Variants in TCF7L1 observed in about 807,000 individuals in gnomAD.
TCF7L1 encodes the protein transcription factor 7 like 1, also known as transcription factor 7-like 1.
A neutral mutation model predicts 63.7 loss-of-function variants in TCF7L1; 18 were observed. The ratio of observed to expected loss-of-function variants is 0.28; its 90% CI spans 0.20 to 0.42. The LOEUF is 0.42. Ranked by LOEUF, TCF7L1 falls within the 10% of genes least tolerant of loss-of-function variation. The pLI, the probability that TCF7L1 is intolerant of heterozygous loss-of-function variation, is 1.00. For synonymous variants in TCF7L1, 355 were observed against 340.9 expected (o/e 1.04, Z -0.46); for missense variants, 654 against 779.3 (o/e 0.84, Z 1.91).
At chr2:85,248,920 G>C (rs1411214033) in intron 3 of TCF7L1, among the ~76,000 whole-genome samples, 2 of 151,876 alleles carry the variant, frequency 1.3e-5, no homozygotes, top group Non-Finnish European at 2.9e-5. Flanking sequence ...CCAGCAACCC[G>C]TGCCTCCTCC....
At chr2:85,232,559 G>T (rs723465) in intron 3 of TCF7L1, among the ~76,000 whole-genome samples, 34,991 of 152,014 alleles carry the variant, frequency 0.23, 4,997 homozygotes, top group Non-Finnish European at 0.33. Flanking sequence ...TTTGCATGAT[G>T]ATCTTAAGTT....
At chr2:85,202,539 AAT>A (rs1291104458) in intron 3 of TCF7L1, among the ~76,000 whole-genome samples, 1 of 152,194 alleles carries the variant, frequency 6.6e-6, no homozygotes, top group Non-Finnish European at 1.5e-5. Flanking sequence ...GGTCATAAAA[AAT>A]ATGTCTTTAA....
intron 3 of TCF7L1, among the ~76,000 whole-genome samples, chr2:85,236,284 C>T (rs1680190638): frequency 6.6e-6 from 1 of 152,198 alleles, no homozygotes; most frequent in Admixed American, 6.5e-5. Flanking sequence ...CTATGGCACT[C>T]TGTCCATACA....
chr2:85,258,899 T>G (rs916772997), intron 3 of TCF7L1, among the ~76,000 whole-genome samples: 2 of 152,214 alleles, frequency 1.3e-5, no homozygotes, highest in Non-Finnish European at 2.9e-5. Flanking sequence ...AACCCTTGCT[T>G]ATTTATTAAC....
intron 3 of TCF7L1, among the ~76,000 whole-genome samples, chr2:85,214,683 A>G (rs1168151276): frequency 6.6e-6 from 1 of 152,196 alleles, no homozygotes; most frequent in Non-Finnish European, 1.5e-5. Flanking sequence ...ACACAAGTTT[A>G]TACAGATGTA....
intron 3 of TCF7L1, among the ~76,000 whole-genome samples, chr2:85,163,133 T>C (rs932575297): frequency 6.6e-6 from 1 of 152,170 alleles, no homozygotes; most frequent in Non-Finnish European, 1.5e-5. Flanking sequence ...GGGAGCTTTT[T>C]AGAAATGGTC....
chr2:85,241,437 G>GTTTTTTTT (rs772334481), intron 3 of TCF7L1, among the ~76,000 whole-genome samples: 80 of 83,068 alleles, frequency 9.6e-4, no homozygotes, highest in East Asian at 1.4e-3. Context: ...CTTTGTTTTT[G>GTTTTTTTT]TTTTTTTTTT....
At chr2:85,304,138 C>T (rs1479222986) in intron 6 of TCF7L1, 117 bp from the exon 7 acceptor site, 2 of 1,267,478 alleles carry the variant, frequency 1.6e-6, no homozygotes, top group Non-Finnish European at 2.3e-6. Flanking sequence ...AGGCAGCGTG[C>T]TCCCAGCATT....
chr2:85,297,683 G>A (rs1034369830), intron 4 of TCF7L1, among the ~76,000 whole-genome samples: 12 of 152,044 alleles, frequency 7.9e-5, no homozygotes, highest in Middle Eastern at 3.4e-3. Flanking sequence ...AAGTTAGCCC[G>A]GCATGGTGGG....
chr2:85,176,255 C>G (rs1283887418), intron 3 of TCF7L1, among the ~76,000 whole-genome samples: 1 of 152,214 alleles, frequency 6.6e-6, no homozygotes, highest in African/African-American at 2.4e-5. Context: ...TTTGAGGCTT[C>G]AGTCCTCCGC....
chr2:85,211,922 T>G (rs1209697501), intron 3 of TCF7L1, among the ~76,000 whole-genome samples: 2 of 151,896 alleles, frequency 1.3e-5, no homozygotes, highest in African/African-American at 4.8e-5. Flanking sequence ...AAACCCCATC[T>G]CTAGTAAAAA....
intron 4 of TCF7L1, among the ~76,000 whole-genome samples, chr2:85,292,775 G>A (rs1235513034): frequency 6.6e-6 from 1 of 152,016 alleles, no homozygotes; most frequent in Non-Finnish European, 1.5e-5. Flanking sequence ...ACGGGGTTTC[G>A]GCATGTTTGC....
rs188330060 is a variant in TCF7L1, at chr2:85,248,643, C to T, written c.442-34852C>T. On this transcript the variant is annotated intron_variant, in intron 3 of 11. Coordinates refer to ENST00000282111, the MANE Select transcript of TCF7L1 (RefSeq NM_031283.3). ...TTGGGAGGGAGGAAGAAGAGTATCT[C>T]AGCCAACCACCAACTCCCACCCCCT... 2.0e-5 allele frequency among the ~76,000 whole-genome samples: 3 copies of T among 152,266 alleles called. No individual in the cohort carries two copies. In the East Asian group the frequency reaches 5.8e-4, roughly 29 times the overall value.
intron 3 of TCF7L1, among the ~76,000 whole-genome samples, chr2:85,140,943 G>C (rs1677722759): frequency 1.3e-5 from 2 of 151,998 alleles, no homozygotes; most frequent in Admixed American, 1.3e-4. Flanking sequence ...GAGTGTCCTT[G>C]GTGTTAGATG....
At chr2:85,221,833 A>G (rs1679846350) in intron 3 of TCF7L1, among the ~76,000 whole-genome samples, 2 of 152,164 alleles carry the variant, frequency 1.3e-5, no homozygotes, top group South Asian at 4.1e-4. Context: ...CCTGAATTTG[A>G]TCAAGCCTCT....
chr2:85,309,019 T>C lies in TCF7L1; in HGVS notation c.1334-10T>C. 1 of 1,575,316 alleles carries C rather than the reference T, an allele frequency of 6.3e-7. No individual in the cohort carries two copies. The highest frequency in any genetic ancestry group is 8.6e-7 in the Non-Finnish European group (1 of 1,159,786). ...ATAGCTGCTCACTCTTTCTTGTATT[T>C]TCCCCCTAGGTGCCCTGGCCTCCAA... On this transcript the variant is annotated splice_polypyrimidine_tract_variant and intron_variant, in intron 11 of 11. Coordinates refer to ENST00000282111, the MANE Select transcript of TCF7L1 (RefSeq NM_031283.3).
chr2:85,170,354 T>C (rs1678519501), intron 3 of TCF7L1, among the ~76,000 whole-genome samples: 1 of 152,180 alleles, frequency 6.6e-6, no homozygotes, highest in South Asian at 2.1e-4. Flanking sequence ...GTAAAAGTCA[T>C]ACATATTCAT....
chr2:85,295,448 G>T lies in TCF7L1; in HGVS notation c.526-7036G>T, dbSNP rs1158325247. Among the ~76,000 whole-genome samples the T allele has an allele frequency of 2.6e-5, 4 of 152,132 alleles. No individual in the cohort carries two copies. The East Asian group carries it at 5.8e-4, about 22-fold the overall frequency. On this transcript the variant is annotated intron_variant, in intron 4 of 11. Transcript: ENST00000282111. Reference sequence around the variant, plus strand: ...ACTCCCGACCTCAGGTGATCTGCCCGCCTCGGCCTCCCAAAGTGCTGGGAT... The same window carrying T: ...ACTCCCGACCTCAGGTGATCTGCCCTCCTCGGCCTCCCAAAGTGCTGGGAT...
intron 3 of TCF7L1, among the ~76,000 whole-genome samples, chr2:85,196,528 A>G (rs1679161790): frequency 6.6e-6 from 1 of 150,502 alleles, no homozygotes; most frequent in Non-Finnish European, 1.5e-5. Flanking sequence ...GGTCCCAGCC[A>G]TCAGGACTAT....
Sources: allele counts gnomAD v4.1 joint callset (sites outside exome capture counted in the v4.1 genomes callset), GRCh38; gene constraint gnomAD v4.1.1; transcripts MANE v1.5; gene names NCBI Gene and HGNC (gene_info 2026-07-23, HGNC 2026-07-21).